The following PLXDC2 variants were observed in gnomAD, a reference collection of about 807,000 sequenced individuals.
PLXDC2 encodes the protein plexin domain containing 2.
Under a neutral mutation model 68.9 loss-of-function variants are expected in PLXDC2, and 40 were observed. That is an observed-to-expected ratio of 0.58 (90% confidence interval 0.45 to 0.76). The LOEUF (loss-of-function observed/expected upper bound fraction) is 0.76, where lower values mean the gene tolerates loss of function less well. PLXDC2 is among the 30% of genes least tolerant of loss of function. The pLI is 0.00. For synonymous variants in PLXDC2, 243 were observed against 234.2 expected (o/e 1.04, Z -0.34); for missense variants, 644 against 661.9 (o/e 0.97, Z 0.30).
intron 13 of PLXDC2, among the ~76,000 whole-genome samples, chr10:20,258,844 A>C (rs1160467331): frequency 6.6e-6 from 1 of 151,946 alleles, no homozygotes; most frequent in African/African-American, 2.4e-5. Flanking sequence ...CGTCTCTACC[A>C]AAAAATAGAA....
chr10:20,142,446 T>A (rs1303628918), intron 4 of PLXDC2, among the ~76,000 whole-genome samples: 2 of 152,044 alleles, frequency 1.3e-5, no homozygotes, highest in Non-Finnish European at 2.9e-5. Context: ...CTAAAGACCT[T>A]GAAAGCAAGA....
chr10:19,879,205 C>T (rs1263549368), intron 1 of PLXDC2, among the ~76,000 whole-genome samples: 3 of 152,160 alleles, frequency 2.0e-5, no homozygotes, highest in Non-Finnish European at 4.4e-5. Context: ...AAAACGACAA[C>T]TTCCAAAATA....
intron 1 of PLXDC2, among the ~76,000 whole-genome samples, chr10:19,823,231 C>CAT (rs1164157117): frequency 6.6e-6 from 1 of 151,964 alleles, no homozygotes; most frequent in Non-Finnish European, 1.5e-5. Context: ...ATATGATATA[C>CAT]ATATATATGT....
intron 1 of PLXDC2, among the ~76,000 whole-genome samples, chr10:19,988,629 T>G (rs1834689034): frequency 2.0e-5 from 3 of 152,088 alleles, no homozygotes; most frequent in Admixed American, 2.0e-4. Flanking sequence ...ATAAAACATA[T>G]TCATATTCTC....
chr10:20,048,298 G>T (rs989213009), intron 3 of PLXDC2, among the ~76,000 whole-genome samples: 1 of 151,908 alleles, frequency 6.6e-6, no homozygotes, highest in South Asian at 2.1e-4. Context: ...CTGAATTTTC[G>T]GTGTAGAGCA....
chr10:20,098,897 C>T (rs1322140669), intron 4 of PLXDC2, among the ~76,000 whole-genome samples: 1 of 152,096 alleles, frequency 6.6e-6, no homozygotes, highest in Non-Finnish European at 1.5e-5. Flanking sequence ...GCCCTATTCT[C>T]CACCTTGAAA....
In PLXDC2 at chr10:19,817,101, G is replaced by A. The variant is rs1016181126; in HGVS notation, c.22G>A (p.Asp8Asn). The change falls in exon 1 of 14, where the codon GAC (aspartate) becomes AAC (asparagine). Residue 8 changes from aspartate to asparagine, a missense_variant. Physicochemically the swap from Asp to Asn is conservative, Grantham distance 23 (BLOSUM62 1). This residue lies in a region of PLXDC2 where 201 missense variants were observed against 166.9 expected (regional missense o/e 1.20). Transcript: ENST00000377252. MARFPKA[D>N]LAAAGVMLLC... ...CGGCATGGCGAGGTTCCCGAAGGCC[G>A]ACCTGGCCGCTGCAGGAGTTATGTT... 1.3e-5 allele frequency: 20 copies of A among 1,559,490 alleles called. No homozygotes were observed. Among genetic ancestry groups the A allele is most frequent in the Non-Finnish European group, 1.7e-5 (19 of 1,150,418 alleles).
At chr10:19,891,677 G>A (rs575767331) in intron 1 of PLXDC2, among the ~76,000 whole-genome samples, 1 of 152,252 alleles carries the variant, frequency 6.6e-6, no homozygotes, top group Admixed American at 6.5e-5. Flanking sequence ...GGTAACCTCT[G>A]GAGCGATTAT....
intron 1 of PLXDC2, among the ~76,000 whole-genome samples, chr10:19,912,392 G>T (rs576618191): frequency 1.4e-4 from 21 of 152,216 alleles, no homozygotes; most frequent in Non-Finnish European, 2.1e-4. Flanking sequence ...AACAAAATGA[G>T]CTAGAACTTA....
chr10:20,279,909 C>T lies in PLXDC2; in HGVS notation c.*90C>T. 1.1e-6 allele frequency: 1 copy of T among 939,138 alleles called. No homozygotes were observed. Among genetic ancestry groups the T allele is most frequent in the Non-Finnish European group, 1.7e-6 (1 of 586,180 alleles). The allele number at this position is 939,138 out of a possible 1,614,324, so 58.2% of individuals were successfully genotyped here. On this transcript the variant is annotated 3_prime_UTR_variant, in exon 14 of 14. Transcript: ENST00000377252. Reference sequence around the variant, plus strand: ...CCTTTAAGACAAACAAACAAACACACACACAAACAAGCTCTAAGCTGCTGT... The same window carrying T: ...CCTTTAAGACAAACAAACAAACACATACACAAACAAGCTCTAAGCTGCTGT...
chr10:20,074,266 A>G (rs945320494), intron 4 of PLXDC2, among the ~76,000 whole-genome samples: 1 of 152,144 alleles, frequency 6.6e-6, no homozygotes, highest in African/African-American at 2.4e-5. Context: ...TTTTAGCTCT[A>G]TTTTATTTCA....
chr10:19,914,463 A>G (rs1437112283), intron 1 of PLXDC2, among the ~76,000 whole-genome samples: 1 of 152,192 alleles, frequency 6.6e-6, no homozygotes, highest in Non-Finnish European at 1.5e-5. Flanking sequence ...TAATTAATTC[A>G]CCAAATTGCA....
chr10:20,122,092 G>C (rs1833706176), intron 4 of PLXDC2, among the ~76,000 whole-genome samples: 11 of 151,966 alleles, frequency 7.2e-5, no homozygotes, highest in Admixed American at 7.2e-4. Context: ...CTGTAATCCA[G>C]GAATAGTCAG....
intron 6 of PLXDC2, among the ~76,000 whole-genome samples, chr10:20,156,171 T>C (rs1036431979): frequency 1.3e-5 from 2 of 152,144 alleles, no homozygotes; most frequent in Non-Finnish European, 2.9e-5. Flanking sequence ...CCAGGTAAAA[T>C]CCACACCAGA....
chr10:19,852,425 C>CAAAAAAA (rs61430454), intron 1 of PLXDC2, among the ~76,000 whole-genome samples: 19 of 61,936 alleles, frequency 3.1e-4, no homozygotes, highest in Non-Finnish European at 4.9e-4. Flanking sequence ...GACCCTGTCT[C>CAAAAAAA]AAAAAAAAAA....
intron 9 of PLXDC2, among the ~76,000 whole-genome samples, chr10:20,202,607 T>C: frequency 6.6e-6 from 1 of 152,168 alleles, no homozygotes; most frequent in East Asian, 1.9e-4. Flanking sequence ...TTCAATATGT[T>C]CTAGCATCAC....
At chr10:19,981,845 C>T (rs923387260) in intron 1 of PLXDC2, among the ~76,000 whole-genome samples, 1 of 152,206 alleles carries the variant, frequency 6.6e-6, no homozygotes, top group Admixed American at 6.5e-5. Context: ...CTGTGGAGTT[C>T]GAGCAAAATT....
chr10:19,840,812 G>A lies in PLXDC2; in HGVS notation c.112+23621G>A, dbSNP rs116301779. ...AATTTGGTAAGGAGTGTATATAATTGGTATATAATTTCAATTTTATTTTGG... is the reference window on the plus strand; with the variant it reads ...AATTTGGTAAGGAGTGTATATAATTAGTATATAATTTCAATTTTATTTTGG... On this transcript the variant is annotated intron_variant, in intron 1 of 13. Transcript: ENST00000377252. 7.0e-3 allele frequency among the ~76,000 whole-genome samples: 1,061 copies of A among 152,024 alleles called. 9 individuals carry two copies. The highest frequency in any genetic ancestry group is 0.015 in the African/African-American group (639 of 41,460).
chr10:20,020,020 T>A (rs970924021), intron 2 of PLXDC2, among the ~76,000 whole-genome samples: 4 of 150,534 alleles, frequency 2.7e-5, no homozygotes, highest in Non-Finnish European at 5.9e-5. Flanking sequence ...TCTTGCTTTT[T>A]TTTTTATTTT....
Sources: gnomAD v4.1 joint callset for allele counts (sites outside exome capture counted in the v4.1 genomes callset) on GRCh38, gnomAD v4.1.1 for gene constraint, gnomAD v4.1.1 regional missense constraint, MANE v1.5 for transcripts, NCBI Gene and HGNC (gene_info 2026-07-23, HGNC 2026-07-21) for gene names.